COL4A2: variants seen among roughly 807,000 people sequenced by gnomAD.
The protein encoded by COL4A2 is collagen alpha-2(IV) chain.
Under a neutral mutation model 200.2 loss-of-function variants are expected in COL4A2, and 99 were observed. The ratio of observed to expected loss-of-function variants is 0.49; its 90% CI spans 0.42 to 0.58. COL4A2 has a LOEUF of 0.58. Among genes scored for constraint, COL4A2 ranks in the 20% least tolerant of loss-of-function variants. COL4A2 has a pLI of 0.00. For missense variants in COL4A2, 1,950 were observed against 2,314.1 expected (o/e 0.84, Z 3.23); for synonymous variants, 897 against 900.6 (o/e 1.00, Z 0.07).
chr13:110,416,686 C>T (rs180815025), intron 4 of COL4A2, among the ~76,000 whole-genome samples: 2 of 151,784 alleles, frequency 1.3e-5, no homozygotes, highest in Admixed American at 1.3e-4. Flanking sequence ...GTACATCTAC[C>T]CCAGTCAAAT....
At chr13:110,409,315 A>G (rs984827825) in intron 4 of COL4A2, among the ~76,000 whole-genome samples, 2 of 152,216 alleles carry the variant, frequency 1.3e-5, no homozygotes, top group Admixed American at 1.3e-4. Context: ...GTGACGGGTA[A>G]ATCGCAATAT....
Position 110,357,570 on chromosome 13 carries a change from A to G in COL4A2, c.180+18A>G. 6.4e-7 allele frequency: 1 copy of G among 1,562,680 alleles called. No individual in the cohort carries two copies. Among genetic ancestry groups the G allele is most frequent in the South Asian group, 1.2e-5 (1 of 84,866 alleles). ...GTGGACGTGTAAGTCACAGCATTGC[A>G]ATAAATAATATTATCTTCCTCATAC... On this transcript the variant is annotated intron_variant, in intron 4 of 47. Transcript: ENST00000360467.
chr13:110,456,361 C>A (rs1881733323), intron 20 of COL4A2: 1 of 280,928 alleles, frequency 3.6e-6, no homozygotes, highest in Non-Finnish European at 6.9e-6. Flanking sequence ...CGTGTGCCCC[C>A]ATTCCCATAT....
chr13:110,470,787 A>G (rs1882440922), intron 28 of COL4A2, among the ~76,000 whole-genome samples: 1 of 152,200 alleles, frequency 6.6e-6, no homozygotes, highest in Admixed American at 6.5e-5. Context: ...TAGCTGATTT[A>G]AGCCTCAATG....
At position 110,329,561 on chromosome 13, in the gene COL4A2, G is replaced by T. The variant is rs185651320; in HGVS notation, c.99+21438G>T. Reference sequence around the variant, plus strand: ...GGTGTTATCTCACTTTATCCTCATGGCATCCTTGGAAATAGAGGGCACAGG... The same window carrying T: ...GGTGTTATCTCACTTTATCCTCATGTCATCCTTGGAAATAGAGGGCACAGG... On this transcript the variant is annotated intron_variant, in intron 3 of 47. Transcript: ENST00000360467. Among the ~76,000 whole-genome samples, 402 of 152,302 alleles carry T rather than the reference G, an allele frequency of 2.6e-3. 8 individuals are homozygous for T. The highest frequency in any genetic ancestry group is 0.025 in the Admixed American group (382 of 15,298).
intron 3 of COL4A2, among the ~76,000 whole-genome samples, chr13:110,331,756 A>C (rs1321282131): frequency 6.6e-6 from 1 of 152,146 alleles, no homozygotes; most frequent in African/African-American, 2.4e-5. Context: ...CTGATTCCTA[A>C]TGAGTTCAAG....
intron 3 of COL4A2, among the ~76,000 whole-genome samples, chr13:110,337,283 C>G (rs1286014211): frequency 6.6e-6 from 1 of 152,158 alleles, no homozygotes; most frequent in Non-Finnish European, 1.5e-5. Context: ...CCACTGGGCT[C>G]GTGTGAAGGA....
chr13:110,408,829 A>G (rs567805938), intron 4 of COL4A2, among the ~76,000 whole-genome samples: 1 of 118,924 alleles, frequency 8.4e-6, no homozygotes, highest in Non-Finnish European at 1.8e-5. Context: ...ACACATGCAC[A>G]CACACATACA....
Position 110,343,511 on chromosome 13 carries a change from CG to C in COL4A2, c.100-13957del, listed in dbSNP as rs776410381. Among the ~76,000 whole-genome samples, 132 of 152,238 alleles carry C rather than the reference CG, an allele frequency of 8.7e-4. 1 individual carries two copies. The highest frequency in any genetic ancestry group is 2.6e-4 in the Non-Finnish European group (18 of 68,004). ...GGCAGCGTACCTCCAGGAGAAAGGG[CG>C]GGGCAGAAATTCAGAAATTCTAACC... On this transcript the variant is annotated intron_variant, in intron 3 of 47. Coordinates refer to ENST00000360467, the MANE Select transcript of COL4A2 (RefSeq NM_001846.4).
intron 20 of COL4A2, among the ~76,000 whole-genome samples, chr13:110,454,664 A>G (rs566451585): frequency 3.3e-5 from 5 of 151,842 alleles, no homozygotes; most frequent in Admixed American, 2.0e-4. Flanking sequence ...GGGAAATCCC[A>G]CTGGCCCCCG....
chr13:110,415,461 T>C (rs1356512425), intron 4 of COL4A2, among the ~76,000 whole-genome samples: 1 of 152,084 alleles, frequency 6.6e-6, no homozygotes, highest in African/African-American at 2.4e-5. Context: ...CAAATAAAGA[T>C]AAGAGGGGAA....
At chr13:110,447,118 G>A (rs961065244) in intron 18 of COL4A2, among the ~76,000 whole-genome samples, 1 of 152,172 alleles carries the variant, frequency 6.6e-6, no homozygotes, top group Non-Finnish European at 1.5e-5. Flanking sequence ...CCACCTACAC[G>A]TGAGAAATCC....
chr13:110,512,332 A>G lies in COL4A2; in HGVS notation c.*141A>G. 2 of 1,358,914 alleles carry G rather than the reference A, an allele frequency of 1.5e-6. No individual in the cohort carries two copies. The highest frequency in any genetic ancestry group is 3.1e-5 in the South Asian group (2 of 64,132). The allele number at this position is 1,358,914 out of a possible 1,614,324, so 84.2% of individuals were successfully genotyped here. A position where few individuals can be genotyped will look rare whatever the true frequency, so the allele number is the denominator to read the frequency against. On this transcript the variant is annotated 3_prime_UTR_variant, in exon 48 of 48. Coordinates refer to ENST00000360467, the MANE Select transcript of COL4A2 (RefSeq NM_001846.4). ...ATTTGCATCCAGCAGCAGCACTTAG[A>G]CCTGCCAGCCACTGTCACCGAGCGG...
intron 20 of COL4A2, among the ~76,000 whole-genome samples, chr13:110,455,492 A>G (rs909590692): frequency 2.6e-5 from 4 of 152,108 alleles, no homozygotes; most frequent in South Asian, 2.1e-4. Flanking sequence ...GTTCCCCAGC[A>G]CGGGCCATAA....
intron 3 of COL4A2, among the ~76,000 whole-genome samples, chr13:110,314,900 G>A (rs73619297): frequency 0.093 from 14,197 of 152,214 alleles, 1,178 homozygotes; most frequent in East Asian, 0.38. Context: ...GCACACGTGG[G>A]TCACCTGATA....
intron 3 of COL4A2, among the ~76,000 whole-genome samples, chr13:110,318,950 T>C (rs568816342): frequency 6.6e-6 from 1 of 152,280 alleles, no homozygotes; most frequent in African/African-American, 2.4e-5. Context: ...GGGTTGTGTC[T>C]GCAGGATTCT....
chr13:110,420,772 T>C (rs1334638958), intron 4 of COL4A2, among the ~76,000 whole-genome samples: 9 of 152,192 alleles, frequency 5.9e-5, no homozygotes, highest in Admixed American at 6.5e-5. Flanking sequence ...TGCACCACAC[T>C]TCCTTAGTGG....
chr13:110,323,495 A>G (rs1885328920), intron 3 of COL4A2, among the ~76,000 whole-genome samples: 1 of 152,224 alleles, frequency 6.6e-6, no homozygotes, highest in Admixed American at 6.5e-5. Context: ...TAAAACCTGG[A>G]GCTGAAGAGA....
At chr13:110,383,726 G>A (rs974866062) in intron 4 of COL4A2, among the ~76,000 whole-genome samples, 6 of 146,158 alleles carry the variant, frequency 4.1e-5, no homozygotes, top group African/African-American at 1.0e-4. Flanking sequence ...AGCGATTCTC[G>A]TGCCTCAGCC....
Sources: gnomAD v4.1 joint callset for allele counts (sites outside exome capture counted in the v4.1 genomes callset) on GRCh38, gnomAD v4.1.1 for gene constraint, MANE v1.5 for transcripts, NCBI Gene and HGNC (gene_info 2026-07-23, HGNC 2026-07-21) for gene names.